Variants in ODF2 observed in about 807,000 individuals in gnomAD.
ODF2 encodes outer dense fiber of sperm tails 2.
Under a neutral mutation model 110.2 loss-of-function variants are expected in ODF2, and 47 were observed. The ratio of observed to expected loss-of-function variants is 0.43; its 90% CI spans 0.34 to 0.54. The LOEUF is 0.54. ODF2 is among the 20% of genes least tolerant of loss of function. The probability of loss-of-function intolerance (pLI) is 0.03; values close to 1 mark genes in which losing one functional copy is unlikely to be tolerated. For missense variants in ODF2, 812 were observed against 1,054.5 expected, an observed-to-expected ratio of 0.77 and a Z score of 3.19; for synonymous variants, 352 against 397.7, an observed-to-expected ratio of 0.89 and a Z score of 1.37.
chr9:128,458,917 T>C (rs1835677117), intron 2 of ODF2, among the ~76,000 whole-genome samples: 1 of 152,092 alleles, frequency 6.6e-6, no homozygotes, highest in African/African-American at 2.4e-5. Context: ...TGGTTACGGC[T>C]CACTGCAGCC....
At chr9:128,473,169 C>A in intron 7 of ODF2, 127 bp downstream of exon 7, 1 of 1,477,932 alleles carries the variant, frequency 6.8e-7, no homozygotes, top group East Asian at 2.5e-5. Context: ...GGAGAGCACG[C>A]TTAACTAGGC....
At chr9:128,479,511 A>G (rs1419803336) in intron 8 of ODF2, among the ~76,000 whole-genome samples, 1 of 152,190 alleles carries the variant, frequency 6.6e-6, no homozygotes, top group Non-Finnish European at 1.5e-5. Context: ...TGGTGAGTGC[A>G]GGGAAGTGAG....
rs769011393 is a variant in ODF2 at position 128,494,500 on chromosome 9, C to T, written c.1753-10C>T. 9 of 1,613,564 alleles carry T rather than the reference C, an allele frequency of 5.6e-6. No homozygotes were observed. Among genetic ancestry groups the T allele is most frequent in the South Asian group, 2.2e-5 (2 of 91,066 alleles). ...CTTTCCTTCCTGTGGGTCTTTCCTT[C>T]CTGTTTCAGGCACGAAGGCAGTTCC... On this transcript the variant is annotated splice_polypyrimidine_tract_variant and intron_variant, in intron 16 of 20. Coordinates refer to ENST00000604420, the Ensembl canonical transcript of ODF2. The surrounding 1 kb of genome is among the most constrained non-coding windows in gnomAD (Gnocchi z 4.6).
intron 15 of ODF2, 24 bp downstream of exon 15, chr9:128,492,560 C>G (rs776768525): frequency 6.3e-7 from 1 of 1,576,402 alleles, no homozygotes; most frequent in South Asian, 1.1e-5. Context: ...GGGCCCTGGC[C>G]CTTCTGAGCA....
At chr9:128,498,425 G>A (rs1480974056) in exon 19 of ODF2, 5 of 1,595,786 alleles carry the variant, frequency 3.1e-6, no homozygotes, top group Admixed American at 1.7e-5. Context: ...AACTGGAGGC[G>A]ACCAGTGCCC....
upstream of ODF2, chr9:128,455,984 G>A: frequency 2.1e-6 from 3 of 1,413,740 alleles, no homozygotes; most frequent in East Asian, 8.3e-5. Flanking sequence ...GGGACGCGTG[G>A]CCCGGAAGTG....
rs866462744 is a variant in ODF2 at position 128,492,541 on chromosome 9, G to A, written c.1647+5G>A. ...ATTGACAACTATAAGAGTCAGGTAGGCCTCACTGGGGCCCTGGCCCTTCTG... is the reference window on the plus strand; with the variant it reads ...ATTGACAACTATAAGAGTCAGGTAGACCTCACTGGGGCCCTGGCCCTTCTG... On this transcript the variant is annotated splice_donor_5th_base_variant and intron_variant, in intron 15 of 20. Transcript: ENST00000604420. 2 of 1,602,750 alleles carry A rather than the reference G, an allele frequency of 1.2e-6. No individual in the cohort carries two copies. Among genetic ancestry groups the A allele is most frequent in the African/African-American group, 2.7e-5 (2 of 74,714 alleles).
chr9:128,492,485 G>A, exon 15 of ODF2: 1 of 1,614,034 alleles, frequency 6.2e-7, no homozygotes, highest in Non-Finnish European at 8.5e-7. Context: ...TCCAGCAGCT[G>A]AAGGCCTCAG....
At chr9:128,501,185 A>AGGGT (rs1163698398), downstream of ODF2, 3 of 152,234 alleles carry the variant, frequency 2.0e-5, no homozygotes, top group East Asian at 5.8e-4. Context: ...TTGGTGTTTT[A>AGGGT]GGGTAGATCA....
intron 7 of ODF2, 100 bp downstream of exon 7, chr9:128,473,142 G>A: frequency 6.4e-7 from 1 of 1,550,484 alleles, no homozygotes; most frequent in Non-Finnish European, 8.7e-7. Context: ...CAGACTTTAT[G>A]ACATCTTCAG....
At chr9:128,469,091 C>A in intron 4 of ODF2, 92 bp from the exon 5 acceptor site, 1 of 1,266,050 alleles carries the variant, frequency 7.9e-7, no homozygotes, top group Non-Finnish European at 1.1e-6. Context: ...TACAGCTTTT[C>A]CCGTCTAATC....
chr9:128,471,013 A>G (rs1186970231), intron 5 of ODF2, among the ~76,000 whole-genome samples: 6 of 151,536 alleles, frequency 4.0e-5, no homozygotes, highest in African/African-American at 1.5e-4. Flanking sequence ...TCCTGGGTTC[A>G]GGCGACTCTC....
exon 1 of ODF2, chr9:128,456,206 T>C (rs1588655812): frequency 1.3e-6 from 2 of 1,547,754 alleles, no homozygotes; most frequent in African/African-American, 2.7e-5. Context: ...GGCCTCCGAC[T>C]TCAACGACTT....
chr9:128,470,044 T>TATATATATATATATATATATAA, intron 5 of ODF2, among the ~76,000 whole-genome samples: 1 of 64,802 alleles, frequency 1.5e-5, no homozygotes, highest in South Asian at 6.1e-4. Flanking sequence ...TATATATATA[T>TATATATATATATATATATATAA]ATAAATAAAA....
intron 8 of ODF2, 99 bp downstream of exon 8, chr9:128,473,840 C>T: frequency 2.8e-6 from 3 of 1,072,502 alleles, no homozygotes; most frequent in South Asian, 2.9e-5. Flanking sequence ...TGGTGCCCGA[C>T]CTGAGAGGTC....
At position 128,500,232 on chromosome 9, in the gene ODF2, C is replaced by T. The variant is rs368885613; in HGVS notation, c.2467C>T (p.Arg823Cys). ...CACCTTCCTGACTAGCTCTCCCATC[C>T]GCTCCCGATCTCCTCCTGCCTGAGG... The change falls in exon 21 of 21, where the codon CGC (arginine) becomes TGC (cysteine). Residue 823 changes from arginine to cysteine, a missense_variant. Around this residue, in one of 5 missense-constraint regions of ODF2, gnomAD observed 234 missense variants for 245.3 expected, o/e 0.95. Coordinates refer to ENST00000604420, the Ensembl canonical transcript of ODF2. 132 of 1,614,182 alleles carry T rather than the reference C, an allele frequency of 8.2e-5. No homozygotes were observed. The East Asian group carries it at 2.4e-3, about 30-fold the overall frequency.
intron 7 of ODF2, 22 bp downstream of exon 7, chr9:128,473,064 C>T (rs770246209): frequency 1.2e-6 from 2 of 1,613,382 alleles, no homozygotes; most frequent in Non-Finnish European, 1.7e-6. Flanking sequence ...GTGGCAGGAC[C>T]CCAGCCATGG....
In ODF2 at chr9:128,494,583, A is replaced by C; in HGVS notation, c.1826A>C (p.Lys609Thr). Residue 609 changes from lysine to threonine, a missense_variant, in exon 17 of 21, where the codon AAG becomes ACG. By Grantham distance (78) the Lys-to-Thr change is moderately conservative (BLOSUM62 -1). Around this residue, in one of 5 missense-constraint regions of ODF2, gnomAD observed 165 missense variants for 293.4 expected, o/e 0.56. Transcript: ENST00000604420. The surrounding 1 kb of genome is among the most constrained non-coding windows in gnomAD (Gnocchi z 4.6). Reference sequence around the variant, plus strand: ...GACATCCTGAAGATCACGGAGGCGAAGCTGGCTGAGTGCCAAGACCAACTG... The same window carrying C: ...GACATCCTGAAGATCACGGAGGCGACGCTGGCTGAGTGCCAAGACCAACTG... The C allele has an allele frequency of 6.2e-7, 1 of 1,614,058 alleles. No homozygotes were observed. Among genetic ancestry groups the C allele is most frequent in the East Asian group, 2.2e-5 (1 of 44,888 alleles).
Position 128,494,149 on chromosome 9 carries a change from G to A in ODF2, c.1753-361G>A, listed in dbSNP as rs917384585. Among the ~76,000 whole-genome samples the A allele has an allele frequency of 6.6e-6, 1 of 152,130 alleles. No individual in the cohort carries two copies. Among genetic ancestry groups the A allele is most frequent in the African/African-American group, 2.4e-5 (1 of 41,430 alleles). Reference sequence around the variant, plus strand: ...TACCAGTTTTTAGCTGAATGACCTTGGGCAAATGACTTAGCTCTCTTGATG... The same window carrying A: ...TACCAGTTTTTAGCTGAATGACCTTAGGCAAATGACTTAGCTCTCTTGATG... On this transcript the variant is annotated intron_variant, in intron 16 of 20. Transcript: ENST00000604420. This position sits in a 1 kb window ranked among gnomAD's most constrained non-coding sequence, Gnocchi z 4.6.
Sources: allele counts gnomAD v4.1 joint callset (sites outside exome capture counted in the v4.1 genomes callset), GRCh38; gene constraint gnomAD v4.1.1; regional missense constraint gnomAD v4.1.1; non-coding constraint Gnocchi (gnomAD v3.1); transcripts MANE v1.5; gene names NCBI Gene and HGNC (gene_info 2026-07-23, HGNC 2026-07-21).